PCDH11X: variants seen among roughly 807,000 people sequenced by gnomAD.
PCDH11X encodes protocadherin-11 X-linked.
In PCDH11X, 18 loss-of-function variants were observed where a neutral mutation model predicts 53.3. The ratio of observed to expected loss-of-function variants is 0.34; its 90% CI spans 0.23 to 0.50. The LOEUF is 0.50. Among genes scored for constraint, PCDH11X ranks in the 20% least tolerant of loss-of-function variants. The pLI, the probability that PCDH11X is intolerant of heterozygous loss-of-function variation, is 0.98. For synonymous variants in PCDH11X, 279 were observed against 393.3 expected, an observed-to-expected ratio of 0.71 and a Z score of 3.44; for missense variants, 570 against 1,032.4, an observed-to-expected ratio of 0.55 and a Z score of 6.14.
intron 10 of PCDH11X, among the ~76,000 whole-genome samples, chrX:92,517,538 A>G (rs2074290942): frequency 8.9e-6 from 1 of 111,779 alleles, no homozygotes; most frequent in Admixed American, 9.6e-5. Flanking sequence ...GTGTACCAGA[A>G]CACTGGTCTT....
At chrX:91,894,993 G>A (rs1217644155) in intron 6 of PCDH11X, among the ~76,000 whole-genome samples, 1 of 110,729 alleles carries the variant, frequency 9.0e-6, no homozygotes, top group Non-Finnish European at 1.9e-5. Context: ...TCACATAGGG[G>A]CATGCACCTT....
At position 92,080,222 on chromosome X, in the gene PCDH11X, C is replaced by A. The variant is rs552737438; in HGVS notation, c.3034-121153C>A. On this transcript the variant is annotated intron_variant, in intron 6 of 10. Transcript: ENST00000682573. ...CCCAGAATCTCCAGAAAGGAATGCA[C>A]CCTGCTGTCACTTTCATCTTATCCC... Among the ~76,000 whole-genome samples, 35 of 110,914 alleles carry A rather than the reference C, an allele frequency of 3.2e-4. No homozygotes were observed. In the South Asian group the frequency reaches 0.013, roughly 42 times the overall value.
At chrX:92,253,657 CTTCAG>C (rs957284926) in intron 7 of PCDH11X, among the ~76,000 whole-genome samples, 4 of 111,532 alleles carry the variant, frequency 3.6e-5, no homozygotes, top group African/African-American at 1.3e-4. Flanking sequence ...TCTTTCACTT[CTTCAG>C]TTAAGTTAAT....
intron 6 of PCDH11X, among the ~76,000 whole-genome samples, chrX:91,988,966 T>C (rs1157512955): frequency 9.0e-6 from 1 of 111,408 alleles, no homozygotes; most frequent in African/African-American, 3.3e-5. Flanking sequence ...GAACCCTAAA[T>C]TGGGTTTGGT....
At chrX:91,838,510 A>G (rs1435373417) in intron 5 of PCDH11X, among the ~76,000 whole-genome samples, 1 of 111,535 alleles carries the variant, frequency 9.0e-6, no homozygotes, top group Non-Finnish European at 1.9e-5. Flanking sequence ...GACATGGGCG[A>G]CTTTAACTGA....
At chrX:92,164,455 A>G (rs1194880448) in intron 6 of PCDH11X, among the ~76,000 whole-genome samples, 1 of 112,293 alleles carries the variant, frequency 8.9e-6, no homozygotes, top group African/African-American at 3.2e-5. Flanking sequence ...ATATTGTTTC[A>G]CTAGAAATGA....
chrX:92,079,485 G>C (rs981011235), intron 6 of PCDH11X, among the ~76,000 whole-genome samples: 10 of 110,600 alleles, frequency 9.0e-5, no homozygotes, highest in Non-Finnish European at 1.9e-4. Flanking sequence ...AGACCCCCTT[G>C]AATGGGATTT....
chrX:92,217,066 A>G (rs1168240772), intron 7 of PCDH11X, among the ~76,000 whole-genome samples: 1 of 111,543 alleles, frequency 9.0e-6, no homozygotes, highest in Non-Finnish European at 1.9e-5. Context: ...TAAACATGGA[A>G]AGGAACAACC....
At position 92,488,024 on chromosome X, in the gene PCDH11X, C is replaced by A. The variant is rs746785430; in HGVS notation, c.3367+19702C>A. Among the ~76,000 whole-genome samples, 4 of 112,804 alleles carry A rather than the reference C, an allele frequency of 3.5e-5. No homozygotes were observed. The East Asian group carries it at 1.1e-3, about 32-fold the overall frequency. On this transcript the variant is annotated intron_variant, in intron 10 of 10. Coordinates refer to ENST00000682573, the MANE Select transcript of PCDH11X (RefSeq NM_032968.5). ...AATCATGGCTCACTGTAGCCTCGAA[C>A]TGCTGGGCTCAAGTCATCCTCCTGC...
At chrX:91,959,463 C>T (rs925119621) in intron 6 of PCDH11X, among the ~76,000 whole-genome samples, 10 of 110,607 alleles carry the variant, frequency 9.0e-5, no homozygotes, top group African/African-American at 3.0e-4. Flanking sequence ...ACTCTGGCTC[C>T]TGGCATCCAC....
At chrX:92,145,849 A>G (rs913163711) in intron 6 of PCDH11X, among the ~76,000 whole-genome samples, 4 of 109,557 alleles carry the variant, frequency 3.7e-5, no homozygotes, top group Admixed American at 2.0e-4. Flanking sequence ...CATCTGTTCT[A>G]TGATCTCTCC....
intron 10 of PCDH11X, among the ~76,000 whole-genome samples, chrX:92,488,520 G>A (rs2073691771): frequency 9.0e-6 from 1 of 111,077 alleles, no homozygotes. Context: ...AATAACTAAG[G>A]TAGAATTTTT....
In PCDH11X at chrX:92,062,006, G is replaced by A. The variant is rs929499586; in HGVS notation, c.3034-139369G>A. 1.1e-4 allele frequency among the ~76,000 whole-genome samples: 12 copies of A among 111,061 alleles called. 1 individual carries two copies. The highest frequency in any genetic ancestry group is 2.6e-4 in the African/African-American group (8 of 30,553). The stretch of plus-strand genomic sequence containing the variant: ...CTCTGATTTCTTTGAGCAGTGTTTT[G>A]TAATTCTCATAGTAGAGACATTTCA... On this transcript the variant is annotated intron_variant, in intron 6 of 10. Coordinates refer to ENST00000682573, the MANE Select transcript of PCDH11X (RefSeq NM_032968.5).
intron 6 of PCDH11X, among the ~76,000 whole-genome samples, chrX:92,050,530 G>T (rs1386206419): frequency 9.5e-6 from 1 of 104,738 alleles, no homozygotes; most frequent in Non-Finnish European, 1.9e-5. Context: ...CTTACACTTT[G>T]ACACTCTCTA....
chrX:92,037,044 T>C (rs2063136735), intron 6 of PCDH11X, among the ~76,000 whole-genome samples: 1 of 111,994 alleles, frequency 8.9e-6, no homozygotes, highest in Admixed American at 9.5e-5. Flanking sequence ...TATTTTATTT[T>C]ATTTCATTTT....
At chrX:92,390,216 T>TC (rs746608564) in intron 9 of PCDH11X, among the ~76,000 whole-genome samples, 4 of 109,728 alleles carry the variant, frequency 3.6e-5, no homozygotes, top group African/African-American at 1.3e-4. Context: ...ATGTGAAACC[T>TC]CCCCCCTAAA....
chrX:91,999,152 T>A (rs1009810621), intron 6 of PCDH11X, among the ~76,000 whole-genome samples: 2 of 110,567 alleles, frequency 1.8e-5, no homozygotes, highest in Non-Finnish European at 3.8e-5. Flanking sequence ...TGGGCTCAAG[T>A]GATCCTCCTG....
intron 6 of PCDH11X, among the ~76,000 whole-genome samples, chrX:92,044,208 CTA>C (rs1333172970): frequency 1.9e-5 from 2 of 106,791 alleles, no homozygotes; most frequent in African/African-American, 6.8e-5. Flanking sequence ...ATTCTGATGA[CTA>C]TGTTGTCTAC....
intron 10 of PCDH11X, among the ~76,000 whole-genome samples, chrX:92,587,483 ATAGT>A (rs1924520941): frequency 9.1e-6 from 1 of 109,588 alleles, no homozygotes; most frequent in East Asian, 2.9e-4. Context: ...GATTTAATAG[ATAGT>A]TCTCAAAAGT....
Sources: allele counts gnomAD v4.1 joint callset (sites outside exome capture counted in the v4.1 genomes callset), GRCh38; gene constraint gnomAD v4.1.1; transcripts MANE v1.5; gene names NCBI Gene and HGNC (gene_info 2026-07-23, HGNC 2026-07-21).